RBM5: variants seen among roughly 807,000 people sequenced by gnomAD.
RBM5 encodes RNA binding motif protein 5, also known as RNA-binding protein 5.
RBM5 carries 15 observed loss-of-function variants against 124.6 expected under a neutral mutation model. That is an observed-to-expected ratio of 0.12 (90% confidence interval 0.08 to 0.19). The LOEUF is 0.19. RBM5 is among the 10% of genes least tolerant of loss of function. The pLI is 1.00. For missense variants in RBM5, 580 were observed against 1,026.5 expected (o/e 0.57, Z 5.94); for synonymous variants, 337 against 361.2 (o/e 0.93, Z 0.76).
chr3:50,093,895 A>C lies in RBM5; in HGVS notation c.339+20A>C, dbSNP rs754787036. 4.4e-6 allele frequency: 7 copies of C among 1,590,942 alleles called. No homozygotes were observed. Among genetic ancestry groups the C allele is most frequent in the Middle Eastern group, 3.3e-4 (2 of 6,006 alleles). Reference sequence around the variant, plus strand: ...AGCGATGTAAGGGGAAATGACAGTTATAACCAGCAGTCAGTAGGCACAATG... The same window carrying C: ...AGCGATGTAAGGGGAAATGACAGTTCTAACCAGCAGTCAGTAGGCACAATG... On this transcript the variant is annotated intron_variant, in intron 4 of 24. Transcript: ENST00000347869.
Position 50,113,387 on chromosome 3 carries a change from A to G in RBM5, c.1460A>G (p.Tyr487Cys). ...GLYYDPNSQY[Y>C]YNSLTQQYLY... ...TTTTTGTTTGTTGTTTTCTAGTACTACTATAATTCCTTGACCCAGCAGTAC... is the reference window on the plus strand; with the variant it reads ...TTTTTGTTTGTTGTTTTCTAGTACTGCTATAATTCCTTGACCCAGCAGTAC... Residue 487 changes from tyrosine (Y) to cysteine (C), a missense_variant, in exon 18 of 25, where the codon TAC becomes TGC. Physicochemically the swap from Tyr to Cys is radical, Grantham distance 194. This residue lies in a region of RBM5 where 234 missense variants were observed against 435.1 expected (regional missense o/e 0.54). Transcript: ENST00000347869. 1.2e-6 allele frequency: 2 copies of G among 1,609,460 alleles called. No individual in the cohort carries two copies. Among genetic ancestry groups the G allele is most frequent in the Non-Finnish European group, 1.7e-6 (2 of 1,178,558 alleles).
rs556381495 is a variant in RBM5 at position 50,094,004 on chromosome 3, T to C, written c.339+129T>C. 69 of 1,015,450 alleles carry C rather than the reference T, an allele frequency of 6.8e-5. No individual in the cohort carries two copies. In the East Asian group the frequency reaches 1.3e-3, roughly 19 times the overall value. 62.9% of individuals were successfully genotyped at this position (1,015,450 alleles called of 1,614,324 possible). A position where few individuals can be genotyped will look rare whatever the true frequency, so the allele number is the denominator to read the frequency against. On this transcript the variant is annotated intron_variant, in intron 4 of 24. Transcript: ENST00000347869. ...GTTGAGTATCCCTTATCCAAAATGCTTGGGACCAGAACTGTTTTGATATTT... is the reference window on the plus strand; with the variant it reads ...GTTGAGTATCCCTTATCCAAAATGCCTGGGACCAGAACTGTTTTGATATTT...
chr3:50,099,888 A>AG lies in RBM5; in HGVS notation c.340-94_340-93insG, dbSNP rs1575312203. 8.8e-6 allele frequency: 10 copies of AG among 1,141,498 alleles called. No individual in the cohort carries two copies. In the East Asian group the frequency reaches 2.7e-4, roughly 31 times the overall value. 70.7% of individuals were successfully genotyped at this position (1,141,498 alleles called of 1,614,324 possible). Reference sequence around the variant, plus strand: ...GACTCCCATCTTAAAAAAAAAAAAAACTTGGCTAATTAAACAGTTGATGTA... The same window carrying AG: ...GACTCCCATCTTAAAAAAAAAAAAAAGCTTGGCTAATTAAACAGTTGATGTA... On this transcript the variant is annotated intron_variant, in intron 4 of 24. Coordinates refer to ENST00000347869, the MANE Select transcript of RBM5 (RefSeq NM_005778.4).
At chr3:50,116,341 A>C (rs2091252786) in intron 22 of RBM5, 1 of 232,776 alleles carries the variant, frequency 4.3e-6, no homozygotes, top group Non-Finnish European at 8.5e-6. Flanking sequence ...CCCAAGGGAC[A>C]GCAGGACGTG....
chr3:50,106,664 G>A lies in RBM5; in HGVS notation c.856-103G>A, dbSNP rs2091039071. ...CTGCAAACACAATAAGGAATTAATT[G>A]CCTTTTATTTTTTAATAGAAAACTA... On this transcript the variant is annotated intron_variant, in intron 10 of 24. Transcript: ENST00000347869. 12 of 784,028 alleles carry A rather than the reference G, an allele frequency of 1.5e-5. 1 individual carries two copies. In the South Asian group the frequency reaches 2.0e-4, roughly 13 times the overall value. The allele number at this position is 784,028 out of a possible 1,614,324, so 48.6% of individuals were successfully genotyped here.
At chr3:50,092,381 G>A (rs1168488387) in intron 3 of RBM5, among the ~76,000 whole-genome samples, 173 bp downstream of exon 3, 1 of 151,994 alleles carries the variant, frequency 6.6e-6, no homozygotes, top group African/African-American at 2.4e-5. Flanking sequence ...GGCCAACATA[G>A]TAAAACCCGT....
chr3:50,117,114 A>G lies in RBM5; in HGVS notation c.2135A>G (p.Tyr712Cys). 1 of 1,614,184 alleles carries G rather than the reference A, an allele frequency of 6.2e-7. No homozygotes were observed. Among genetic ancestry groups the G allele is most frequent in the Non-Finnish European group, 8.5e-7 (1 of 1,180,028 alleles). The stretch of plus-strand genomic sequence containing the variant: ...CGAGCTGCAGAAAGACGGGAGAAGT[A>G]CGGCATTCCAGAACCTCCAGAGCCC... ...RDRAAERREK[Y>C]GIPEPPEPKR... Residue 712 changes from tyrosine to cysteine, a missense_variant, in exon 23 of 25, where the codon TAC becomes TGC. By Grantham distance (194) the Tyr-to-Cys change is radical. Around this residue, in one of 6 missense-constraint regions of RBM5, gnomAD observed 234 missense variants for 435.1 expected, o/e 0.54. Transcript: ENST00000347869. The surrounding 1 kb of genome is among the most constrained non-coding windows in gnomAD (Gnocchi z 4.2).
intron 3 of RBM5, among the ~76,000 whole-genome samples, chr3:50,093,321 C>T (rs2090743188): frequency 6.6e-6 from 1 of 151,654 alleles, no homozygotes; most frequent in Non-Finnish European, 1.5e-5. Context: ...TGCCTATAGT[C>T]CCAACTACTC....
chr3:50,108,081 T>G lies in RBM5; in HGVS notation c.1053T>G (p.Gly351=). 6.2e-7 allele frequency: 1 copy of G among 1,607,614 alleles called. No individual in the cohort carries two copies. The highest frequency in any genetic ancestry group is 1.7e-4 in the Middle Eastern group (1 of 6,056). ...AQWSSTQSQS[G]EGGSVDYSYL... ...TTGATGTTTTGTAGTCTCAAAGTGG[T>G]GAAGGAGGCAGTGTTGACTACAGTT... The change falls in exon 13 of 25, where the codon GGT becomes GGG. Residue 351 remains glycine (G), a synonymous_variant. Transcript: ENST00000347869.
rs1024173193 is a variant in RBM5, at chr3:50,113,895, C to G, written c.1618-55C>G. On this transcript the variant is annotated intron_variant, in intron 18 of 24. Coordinates refer to ENST00000347869, the MANE Select transcript of RBM5 (RefSeq NM_005778.4). The stretch of plus-strand genomic sequence containing the variant: ...GAGATAAGATCCTTAATGGCTCATT[C>G]TCATGGCACAGGGGATTAAATATTT... 20 of 1,581,290 alleles carry G rather than the reference C, an allele frequency of 1.3e-5. No individual in the cohort carries two copies. The Admixed American group carries it at 3.6e-4, about 29-fold the overall frequency.
chr3:50,090,336 A>C, intron 1 of RBM5, 46 bp from the exon 2 acceptor site: 2 of 1,365,768 alleles, frequency 1.5e-6, no homozygotes, highest in Non-Finnish European at 2.1e-6. Flanking sequence ...CTGCTGACTT[A>C]AGTGATCTCT....
At chr3:50,115,367 C>G (rs375244416) in intron 20 of RBM5, 61 bp from the exon 21 acceptor site, 1 of 1,564,114 alleles carries the variant, frequency 6.4e-7, no homozygotes. Context: ...TATCCAGGTA[C>G]ATAGCCACCG....
At chr3:50,093,274 C>T (rs2090742111) in intron 3 of RBM5, among the ~76,000 whole-genome samples, 1 of 150,332 alleles carries the variant, frequency 6.7e-6, no homozygotes, top group South Asian at 2.1e-4. Context: ...CCTGTCTCTA[C>T]TAAAAATACA....
chr3:50,093,408 C>T (rs910730105), intron 3 of RBM5, among the ~76,000 whole-genome samples: 3 of 149,782 alleles, frequency 2.0e-5, no homozygotes, highest in Admixed American at 1.3e-4. Context: ...CACCACTGCA[C>T]TCCAGTCTGG....
Position 50,093,844 on chromosome 3 carries a change from G to A in RBM5, c.308G>A (p.Arg103His). 1.2e-6 allele frequency: 2 copies of A among 1,613,032 alleles called. No homozygotes were observed. Among genetic ancestry groups the A allele is most frequent in the Non-Finnish European group, 8.5e-7 (1 of 1,179,156 alleles). Residue 103 changes from arginine to histidine, a missense_variant, in exon 4 of 25, where the codon CGC becomes CAC. By Grantham distance (29) the Arg-to-His change is conservative (BLOSUM62 0). Around this residue, in one of 6 missense-constraint regions of RBM5, gnomAD observed 101 missense variants for 223.2 expected, o/e 0.45. Transcript: ENST00000347869. ...AGGGAGAGCAAGACCATCATGCTGC[G>A]CGGCCTTCCCATCACCATCACAGAG... The part of the protein sequence containing the change: ...DERESKTIML[R>H]GLPITITESD...
chr3:50,111,482 T>C (rs1159536435), intron 17 of RBM5, among the ~76,000 whole-genome samples: 3 of 152,176 alleles, frequency 2.0e-5, no homozygotes, highest in African/African-American at 7.2e-5. Context: ...GTTCAAGCAA[T>C]GCTCCTGCCT....
chr3:50,100,121 C>A lies in RBM5; in HGVS notation c.409+70C>A, dbSNP rs1231061588. ...TCCCACCTCAGTCCCTAAAGAACAT[C>A]CTGATTCCCCCAGTCTTCAAGCACA... On this transcript the variant is annotated intron_variant, in intron 5 of 24. Coordinates refer to ENST00000347869, the MANE Select transcript of RBM5 (RefSeq NM_005778.4). The surrounding 1 kb of genome is among the most constrained non-coding windows in gnomAD (Gnocchi z 5.1). 1 of 1,336,258 alleles carries A rather than the reference C, an allele frequency of 7.5e-7. No individual in the cohort carries two copies. The highest frequency in any genetic ancestry group is 1.3e-5 in the South Asian group (1 of 79,136). The allele number at this position is 1,336,258 out of a possible 1,614,324, so 82.8% of individuals were successfully genotyped here.
chr3:50,105,305 T>C (rs1481671064), intron 9 of RBM5, among the ~76,000 whole-genome samples, 163 bp downstream of exon 9: 1 of 148,078 alleles, frequency 6.8e-6, no homozygotes, highest in African/African-American at 2.5e-5. Context: ...CTACTCCGTC[T>C]CAAAAAAAAA....
chr3:50,116,583 T>C (rs1575340792), intron 22 of RBM5: 2 of 180,260 alleles, frequency 1.1e-5, no homozygotes, highest in East Asian at 1.4e-4. Flanking sequence ...GAAGTGTTTG[T>C]AGTTAAGGCT....
Sources: allele counts gnomAD v4.1 joint callset (sites outside exome capture counted in the v4.1 genomes callset), GRCh38; gene constraint gnomAD v4.1.1; regional missense constraint gnomAD v4.1.1; non-coding constraint Gnocchi (gnomAD v3.1); transcripts MANE v1.5; gene names NCBI Gene and HGNC (gene_info 2026-07-23, HGNC 2026-07-21).